ATRX: variants seen among roughly 807,000 people sequenced by gnomAD.
ATRX encodes chromatin remodeler ATRX.
In ATRX, 12 loss-of-function variants were observed where a neutral mutation model predicts 172.6. The ratio of observed to expected loss-of-function variants is 0.07; its 90% confidence interval spans 0.04 to 0.11. ATRX has a LOEUF of 0.11. Ranked by LOEUF, ATRX falls within the 10% of genes least tolerant of loss-of-function variation. ATRX has a pLI of 1.00. For missense variants in ATRX, 1,368 were observed against 1,767.4 expected (o/e 0.77, Z 4.05); for synonymous variants, 674 against 594.7 (o/e 1.13, Z -1.94).
At chrX:77,729,435 C>A (rs893269735) in intron 1 of ATRX, among the ~76,000 whole-genome samples, 1 of 111,909 alleles carries the variant, frequency 8.9e-6, no homozygotes, top group Non-Finnish European at 1.9e-5. Flanking sequence ...GTACATAATA[C>A]ACTCATTGCT....
At chrX:77,650,416 T>A (rs1481679032) in intron 15 of ATRX, among the ~76,000 whole-genome samples, 1 of 111,437 alleles carries the variant, frequency 9.0e-6, no homozygotes, top group Non-Finnish European at 1.9e-5. Context: ...AAACTCAGAA[T>A]ATAGAAAATT....
At chrX:77,533,038 A>C (rs1557047013) in intron 30 of ATRX, among the ~76,000 whole-genome samples, 1 of 112,565 alleles carries the variant, frequency 8.9e-6, no homozygotes, top group Non-Finnish European at 1.9e-5. Context: ...CATATGAAAA[A>C]AAGCTCATCA....
At chrX:77,760,177 A>C (rs1159392254) in intron 1 of ATRX, among the ~76,000 whole-genome samples, 1 of 109,035 alleles carries the variant, frequency 9.2e-6, no homozygotes, top group Non-Finnish European at 1.9e-5. Context: ...CTCAATAGCC[A>C]CAGATAGTTA....
intron 9 of ATRX, among the ~76,000 whole-genome samples, chrX:77,679,965 A>G (rs1299227891): frequency 1.8e-5 from 2 of 111,953 alleles, no homozygotes; most frequent in Non-Finnish European, 3.8e-5. Context: ...ACAATCCCTT[A>G]TATATAATTT....
intron 15 of ATRX, among the ~76,000 whole-genome samples, chrX:77,650,878 G>A (rs1000131896): frequency 4.5e-5 from 5 of 111,848 alleles, no homozygotes; most frequent in East Asian, 2.8e-4. Flanking sequence ...GTGAGCCACC[G>A]CGCCAGGCCC....
chrX:77,652,497 T>TAAA, intron 14 of ATRX, 144 bp from the exon 15 acceptor site: 9 of 385,894 alleles, frequency 2.3e-5, no homozygotes, highest in East Asian at 6.5e-5. Context: ...AGAGTAGTAT[T>TAAA]AAAAAAAAAA....
intron 34 of ATRX, among the ~76,000 whole-genome samples, chrX:77,520,433 T>C (rs782063512): frequency 9.0e-6 from 1 of 111,352 alleles, no homozygotes; most frequent in East Asian, 2.8e-4. Flanking sequence ...TAAATATATA[T>C]ACCTATTATA....
At chrX:77,541,051 C>A (rs1248273836) in intron 30 of ATRX, among the ~76,000 whole-genome samples, 1 of 111,049 alleles carries the variant, frequency 9.0e-6, no homozygotes, top group Non-Finnish European at 1.9e-5. Context: ...AAAAGATCAA[C>A]AAAATAGATA....
chrX:77,590,395 G>A (rs1450247377), intron 26 of ATRX, among the ~76,000 whole-genome samples: 1 of 110,244 alleles, frequency 9.1e-6, no homozygotes, highest in Non-Finnish European at 1.9e-5. Context: ...TGGATCACGA[G>A]GTCAGGAGAT....
chrX:77,632,862 A>G (rs1167390996), intron 19 of ATRX, among the ~76,000 whole-genome samples: 1 of 111,698 alleles, frequency 9.0e-6, no homozygotes, highest in Non-Finnish European at 1.9e-5. Flanking sequence ...AAAGACACAA[A>G]CTGTTTTCAG....
chrX:77,514,143 G>A (rs782078738), intron 34 of ATRX, among the ~76,000 whole-genome samples: 3 of 111,966 alleles, frequency 2.7e-5, no homozygotes, highest in South Asian at 7.5e-4. Flanking sequence ...CCATGCTCAT[G>A]GATAGGAAGA....
intron 10 of ATRX, among the ~76,000 whole-genome samples, chrX:77,669,322 T>G (rs1330345757): frequency 1.8e-5 from 2 of 110,999 alleles, no homozygotes; most frequent in Non-Finnish European, 3.8e-5. Flanking sequence ...TTTTTTTTTT[T>G]TTCCAGACAA....
chrX:77,641,379 A>G lies in ATRX; in HGVS notation c.4558-5323T>C, dbSNP rs901342578. ...AATCGCTTGAGCTCAGGAGTTTCAG[A>G]CCAGCCTGGGCAACGTGGTGAAACC... is the stretch of plus-strand genomic sequence containing the variant. On this transcript the variant is annotated intron_variant, in intron 15 of 34. Transcript: ENST00000373344. Among the ~76,000 whole-genome samples, 4 of 110,204 alleles carry G rather than the reference A, an allele frequency of 3.6e-5. No individual in the cohort carries two copies. The East Asian group carries it at 8.6e-4, about 24-fold the overall frequency.
At chrX:77,548,530 T>C (rs1344433860) in intron 30 of ATRX, among the ~76,000 whole-genome samples, 2 of 111,975 alleles carry the variant, frequency 1.8e-5, no homozygotes, top group Admixed American at 1.9e-4. Flanking sequence ...CACCATGTGG[T>C]TCATACCCCA....
At chrX:77,533,876 C>A (rs1448580206) in intron 30 of ATRX, among the ~76,000 whole-genome samples, 1 of 112,052 alleles carries the variant, frequency 8.9e-6, no homozygotes, top group Non-Finnish European at 1.9e-5. Flanking sequence ...CAAATCCAAA[C>A]CTTCATCATT....
intron 27 of ATRX, among the ~76,000 whole-genome samples, chrX:77,579,430 G>A (rs2065750241): frequency 1.1e-5 from 1 of 92,614 alleles, no homozygotes; most frequent in South Asian, 5.3e-4. Context: ...CCCACCCCCA[G>A]CTCCAGGCAA....
chrX:77,756,343 C>G (rs1378794383), intron 1 of ATRX, among the ~76,000 whole-genome samples: 1 of 110,010 alleles, frequency 9.1e-6, no homozygotes, highest in Non-Finnish European at 1.9e-5. Context: ...GCCCCCTTTC[C>G]AGGGGAGTGA....
chrX:77,759,205 C>T (rs781953343), intron 1 of ATRX, among the ~76,000 whole-genome samples: 2 of 111,275 alleles, frequency 1.8e-5, no homozygotes, highest in Non-Finnish European at 3.8e-5. Context: ...AAACATCGAC[C>T]AGGATGAAGA....
intron 15 of ATRX, among the ~76,000 whole-genome samples, chrX:77,636,337 T>G (rs965189153): frequency 2.7e-5 from 3 of 110,758 alleles, no homozygotes; most frequent in Non-Finnish European, 5.7e-5. Flanking sequence ...AGTGAGCGAG[T>G]TCTCACAAGA....
Sources: gnomAD v4.1 joint callset for allele counts (sites outside exome capture counted in the v4.1 genomes callset) on GRCh38, gnomAD v4.1.1 for gene constraint, MANE v1.5 for transcripts, NCBI Gene and HGNC (gene_info 2026-07-23, HGNC 2026-07-21) for gene names.